Variants in HDAC9 observed in about 807,000 individuals in gnomAD.
HDAC9 encodes histone deacetylase 9, also known as MEF-2 interacting transcription repressor (MITR) protein.
HDAC9 carries 41 observed loss-of-function variants against 139.4 expected under a neutral mutation model. The ratio of observed to expected loss-of-function variants is 0.29; its 90% CI spans 0.23 to 0.38. HDAC9 has a LOEUF of 0.38. HDAC9 is among the 10% of genes least tolerant of loss of function. HDAC9 has a pLI of 1.00. For missense variants in HDAC9, 1,147 were observed against 1,297.0 expected (o/e 0.88, Z 1.78); for synonymous variants, 517 against 476.2 (o/e 1.09, Z -1.12).
chr7:18,496,043 T>A lies in HDAC9; in HGVS notation c.-42+20T>A, dbSNP rs1796847831. Reference sequence around the variant, plus strand: ...ACACAGGTTGGTAACATGGGAAAAGTGTCCAGGTCTTTTTAAAAGTGGATG... The same window carrying A: ...ACACAGGTTGGTAACATGGGAAAAGAGTCCAGGTCTTTTTAAAAGTGGATG... On this transcript the variant is annotated intron_variant, in intron 1 of 25. Transcript: ENST00000686413. 6 of 1,434,160 alleles carry A rather than the reference T, an allele frequency of 4.2e-6. No homozygotes were observed. The South Asian group carries it at 9.0e-5, about 22-fold the overall frequency. 88.8% of individuals were successfully genotyped at this position (1,434,160 alleles called of 1,614,324 possible). A position where few individuals can be genotyped will look rare whatever the true frequency, so the allele number is the denominator to read the frequency against.
intron 1 of HDAC9, among the ~76,000 whole-genome samples, chr7:18,302,827 A>G (rs984063036): frequency 1.3e-5 from 2 of 152,190 alleles, no homozygotes; most frequent in Non-Finnish European, 2.9e-5. Context: ...GACTTTAGGC[A>G]CTTAGGATAC....
At chr7:18,678,281 A>G (rs1319399218) in intron 12 of HDAC9, among the ~76,000 whole-genome samples, 2 of 151,922 alleles carry the variant, frequency 1.3e-5, no homozygotes, top group African/African-American at 4.8e-5. Flanking sequence ...TTTTTAGCAA[A>G]TTGATTATGA....
At chr7:18,736,437 A>G (rs1350519636) in intron 13 of HDAC9, among the ~76,000 whole-genome samples, 1 of 152,214 alleles carries the variant, frequency 6.6e-6, no homozygotes, top group Non-Finnish European at 1.5e-5. Flanking sequence ...GAGAGTTTTT[A>G]GCATGAAGGG....
chr7:18,552,252 T>A (rs1163276138), intron 2 of HDAC9, among the ~76,000 whole-genome samples: 1 of 152,210 alleles, frequency 6.6e-6, no homozygotes, highest in African/African-American at 2.4e-5. Context: ...ATGCAAATTA[T>A]GATCTTGAAA....
chr7:18,302,231 A>T (rs1798584446), intron 1 of HDAC9, among the ~76,000 whole-genome samples: 1 of 152,196 alleles, frequency 6.6e-6, no homozygotes, highest in South Asian at 2.1e-4. Flanking sequence ...CACTTAATTG[A>T]CACTTGTGAC....
In HDAC9 at chr7:18,657,033, G is replaced by GT. The variant is rs142065472; in HGVS notation, c.1467+8352dup. Among the ~76,000 whole-genome samples the GT allele has an allele frequency of 6.2e-3, 950 of 152,158 alleles. 23 individuals are homozygous for GT. The East Asian group carries it at 0.072, about 11-fold the overall frequency. On this transcript the variant is annotated intron_variant, in intron 11 of 25. Transcript: ENST00000686413. The stretch of plus-strand genomic sequence containing the variant: ...AATTTTGATTTTCATTTCTCTGATG[G>GT]TTAATGATGTTCAACATTTTTTCAT...
rs59819356 is a variant in HDAC9, at chr7:18,507,170, A to ATATTATTATTATTATTATTATTAT, written c.22+10855_22+10878dup. On this transcript the variant is annotated intron_variant, in intron 2 of 25. Coordinates refer to ENST00000686413, the MANE Select transcript of HDAC9 (RefSeq NM_178425.4). ...TGCAGGTCTTCCAAATATTCATTAC[A>ATATTATTATTATTATTATTATTAT]TATTATTATTATTATTATTATTATT... Among the ~76,000 whole-genome samples the ATATTATTATTATTATTATTATTAT allele has an allele frequency of 1.7e-4, 24 of 144,326 alleles. 1 individual carries two copies. Among genetic ancestry groups the ATATTATTATTATTATTATTATTAT allele is most frequent in the African/African-American group, 5.7e-4 (22 of 38,930 alleles). The allele number at this position is 144,326 out of a possible 152,430, so 94.7% of individuals were successfully genotyped here.
intron 23 of HDAC9, among the ~76,000 whole-genome samples, chr7:18,938,108 G>A (rs143133911): frequency 1.5e-3 from 221 of 152,030 alleles, no homozygotes; most frequent in Non-Finnish European, 2.5e-3. Flanking sequence ...TTTAGTACAC[G>A]TGCTTTTCGT....
chr7:18,492,410 A>G (rs144439316), upstream of HDAC9, among the ~76,000 whole-genome samples: 3 of 152,106 alleles, frequency 2.0e-5, no homozygotes, highest in Admixed American at 1.3e-4. Context: ...ATGTCTGCAT[A>G]GAAAGAAATT....
intron 1 of HDAC9, among the ~76,000 whole-genome samples, chr7:18,449,922 T>A (rs982937987): frequency 6.6e-6 from 1 of 152,336 alleles, no homozygotes; most frequent in South Asian, 2.1e-4. Flanking sequence ...GAATCAGACT[T>A]TTAAAATATG....
At chr7:18,444,341 GAA>G (rs754142568) in intron 1 of HDAC9, among the ~76,000 whole-genome samples, 81 of 35,138 alleles carry the variant, frequency 2.3e-3, no homozygotes, top group African/African-American at 8.4e-3. Context: ...GACCCTGTCT[GAA>G]AAAAAAAAAA....
At chr7:18,980,951 G>C (rs1219426850) in intron 25 of HDAC9, among the ~76,000 whole-genome samples, 1 of 151,814 alleles carries the variant, frequency 6.6e-6, no homozygotes, top group East Asian at 1.9e-4. Context: ...AGCCTCTCGA[G>C]TATCTGGGAC....
At chr7:18,306,796 C>G (rs1251049544) in intron 1 of HDAC9, among the ~76,000 whole-genome samples, 1 of 152,080 alleles carries the variant, frequency 6.6e-6, no homozygotes, top group Non-Finnish European at 1.5e-5. Context: ...ATAAATTCTT[C>G]ACTCCAACCA....
intron 16 of HDAC9, among the ~76,000 whole-genome samples, chr7:18,789,087 G>A (rs1425239907): frequency 2.0e-5 from 3 of 152,052 alleles, no homozygotes; most frequent in East Asian, 1.9e-4. Context: ...ACCGTGATCT[G>A]AGACAACCAG....
At chr7:18,990,655 C>A (rs71524263) in intron 25 of HDAC9, among the ~76,000 whole-genome samples, 1 of 152,170 alleles carries the variant, frequency 6.6e-6, no homozygotes, top group East Asian at 1.9e-4. Flanking sequence ...GCCTGGCTGC[C>A]GCCTTGCAGT....
chr7:18,826,220 G>A (rs1157474973), intron 17 of HDAC9, among the ~76,000 whole-genome samples: 1 of 152,092 alleles, frequency 6.6e-6, no homozygotes, highest in Non-Finnish European at 1.5e-5. Flanking sequence ...AAGTATTGTG[G>A]GGGTAGGTGC....
At chr7:18,581,731 C>T (rs1320426773) in intron 2 of HDAC9, among the ~76,000 whole-genome samples, 1 of 152,098 alleles carries the variant, frequency 6.6e-6, no homozygotes, top group African/African-American at 2.4e-5. Context: ...TATGCCAAGT[C>T]TTTTAGTTAA....
chr7:18,860,429 A>G (rs1798020005), intron 21 of HDAC9, among the ~76,000 whole-genome samples: 1 of 152,224 alleles, frequency 6.6e-6, no homozygotes. Context: ...AAATAAACAA[A>G]GATTTGGAAA....
chr7:18,131,445 G>T (rs181643733), intron 1 of HDAC9, among the ~76,000 whole-genome samples: 51 of 152,268 alleles, frequency 3.3e-4, no homozygotes, highest in Non-Finnish European at 1.0e-4. Flanking sequence ...GGTTTCTTGG[G>T]AAATTAGGGG....
Sources: allele counts gnomAD v4.1 joint callset (sites outside exome capture counted in the v4.1 genomes callset), GRCh38; gene constraint gnomAD v4.1.1; transcripts MANE v1.5; gene names NCBI Gene and HGNC (gene_info 2026-07-23, HGNC 2026-07-21).